The following SMPD3 variants were observed in gnomAD, a reference collection of about 807,000 sequenced individuals.
The protein encoded by SMPD3 is sphingomyelin phosphodiesterase 3.
A neutral mutation model predicts 55.7 loss-of-function variants in SMPD3; 21 were observed. The ratio of observed to expected loss-of-function variants is 0.38; its 90% CI spans 0.27 to 0.54. The LOEUF (loss-of-function observed/expected upper bound fraction) is 0.54, where lower values mean the gene tolerates loss of function less well. Among genes scored for constraint, SMPD3 ranks in the 20% least tolerant of loss-of-function variants. The pLI is 0.80. For missense variants in SMPD3, 842 were observed against 899.6 expected (o/e 0.94, Z 0.82); for synonymous variants, 457 against 404.3 (o/e 1.13, Z -1.56).
At chr16:68,398,115 C>T (rs1465790221) in intron 1 of SMPD3, among the ~76,000 whole-genome samples, 3 of 152,070 alleles carry the variant, frequency 2.0e-5, no homozygotes, top group Non-Finnish European at 2.9e-5. Context: ...CACCTGGGCC[C>T]CTGCTGGAGC....
intron 1 of SMPD3, among the ~76,000 whole-genome samples, chr16:68,394,934 G>T (rs531778331): frequency 1.1e-4 from 16 of 152,138 alleles, no homozygotes; most frequent in Non-Finnish European, 2.4e-4. Flanking sequence ...TTGTCCTATT[G>T]ATTTTTGTTG....
intron 1 of SMPD3, among the ~76,000 whole-genome samples, chr16:68,389,696 C>T (rs950536572): frequency 1.3e-5 from 2 of 152,112 alleles, no homozygotes; most frequent in Non-Finnish European, 2.9e-5. Flanking sequence ...AGTGTCAGAC[C>T]TCATGCAGAC....
intron 2 of SMPD3, among the ~76,000 whole-genome samples, chr16:68,373,042 G>A (rs911909161): frequency 2.6e-5 from 4 of 152,200 alleles, no homozygotes; most frequent in Non-Finnish European, 4.4e-5. Flanking sequence ...CACTGACCGC[G>A]GGAGAAACCC....
chr16:68,365,132 C>A, intron 3 of SMPD3, 40 bp from the exon 4 acceptor site: 1 of 1,606,216 alleles, frequency 6.2e-7, no homozygotes, highest in Non-Finnish European at 8.5e-7. Flanking sequence ...CTGCCAGTCA[C>A]TGTGGCCCTG....
At chr16:68,415,248 C>T (rs185746684) in intron 1 of SMPD3, among the ~76,000 whole-genome samples, 6 of 152,178 alleles carry the variant, frequency 3.9e-5, no homozygotes, top group South Asian at 2.1e-4. Flanking sequence ...CTCCTGGAGT[C>T]CCTGACATTT....
At position 68,363,823 on chromosome 16, in the gene SMPD3, C is replaced by G. The variant is rs1342670242; in HGVS notation, c.1599G>C (p.Arg533Ser). 4 of 1,571,658 alleles carry G rather than the reference C, an allele frequency of 2.5e-6. No homozygotes were observed. The highest frequency in any genetic ancestry group is 3.5e-6 in the Non-Finnish European group (4 of 1,158,384). Residue 533 changes from arginine (R) to serine (S), a missense_variant, in exon 6 of 9, where the codon AGG (arginine) becomes AGC (serine). Arg to Ser is a moderately radical substitution (Grantham distance 110). Coordinates refer to ENST00000219334, the MANE Select transcript of SMPD3 (RefSeq NM_018667.4). ...CACCAGGCCCCAGGCGGCAGGGGTCCCTGTAGTGGGTGAACAGGGAGTGTT... is the reference window on the plus strand; with the variant it reads ...CACCAGGCCCCAGGCGGCAGGGGTCGCTGTAGTGGGTGAACAGGGAGTGTT... ...EQQHSLFTHYRDPCRLGPGEE... is the reference protein window; with the variant it reads ...EQQHSLFTHYSDPCRLGPGEE...
intron 1 of SMPD3, among the ~76,000 whole-genome samples, chr16:68,390,969 G>A (rs2090106218): frequency 6.6e-6 from 1 of 152,170 alleles, no homozygotes. Context: ...TGAGTGGTTG[G>A]TTCAACTTGA....
chr16:68,393,171 G>A (rs61168371), intron 1 of SMPD3, among the ~76,000 whole-genome samples: 2 of 152,252 alleles, frequency 1.3e-5, no homozygotes, highest in African/African-American at 2.4e-5. Flanking sequence ...TTGGGAGGCC[G>A]AGGCAGGCAG....
intron 1 of SMPD3, among the ~76,000 whole-genome samples, chr16:68,446,449 T>C: frequency 6.9e-6 from 1 of 145,288 alleles, no homozygotes; most frequent in African/African-American, 2.5e-5. Flanking sequence ...CCCCACAACA[T>C]CCAAGCCCAT....
At chr16:68,403,968 G>T (rs1324899409) in intron 1 of SMPD3, among the ~76,000 whole-genome samples, 1 of 152,180 alleles carries the variant, frequency 6.6e-6, no homozygotes, top group East Asian at 1.9e-4. Flanking sequence ...CAGGGAGGCT[G>T]AGGTGCAGCT....
chr16:68,427,924 C>T (rs1245350568), intron 1 of SMPD3, among the ~76,000 whole-genome samples: 1 of 152,158 alleles, frequency 6.6e-6, no homozygotes, highest in East Asian at 1.9e-4. Flanking sequence ...CCCTTGTTCC[C>T]TGTGCTCGAG....
intron 2 of SMPD3, among the ~76,000 whole-genome samples, chr16:68,383,934 C>T (rs945152971): frequency 1.3e-5 from 2 of 152,172 alleles, no homozygotes; most frequent in Non-Finnish European, 2.9e-5. Context: ...GTTCAGGCCT[C>T]GCCCTCTCCA....
intron 1 of SMPD3, among the ~76,000 whole-genome samples, chr16:68,387,201 G>A (rs772901463): frequency 1.3e-5 from 2 of 152,124 alleles, no homozygotes; most frequent in East Asian, 1.9e-4. Context: ...GGGAGGAAGA[G>A]CAACATTGAG....
chr16:68,412,603 G>T (rs1947617367), intron 1 of SMPD3, among the ~76,000 whole-genome samples: 1 of 152,182 alleles, frequency 6.6e-6, no homozygotes, highest in Non-Finnish European at 1.5e-5. Context: ...GATAGACATT[G>T]GTACCTGGTT....
At chr16:68,439,292 C>G (rs928400080) in intron 1 of SMPD3, among the ~76,000 whole-genome samples, 1 of 152,166 alleles carries the variant, frequency 6.6e-6, no homozygotes, top group African/African-American at 2.4e-5. Flanking sequence ...TTACTCCAGC[C>G]CCCGTTCCTT....
chr16:68,367,526 G>T (rs559905770), intron 3 of SMPD3: 1 of 152,462 alleles, frequency 6.6e-6, no homozygotes, highest in Non-Finnish European at 1.5e-5. Context: ...GTCTTAAGGC[G>T]TCAGCCTCTC....
intron 1 of SMPD3, among the ~76,000 whole-genome samples, chr16:68,402,072 C>T (rs2090212223): frequency 6.6e-6 from 1 of 152,220 alleles, no homozygotes; most frequent in African/African-American, 2.4e-5. Context: ...CACGCCACGG[C>T]TGGCTAGTGA....
Position 68,363,102 on chromosome 16 carries a change from T to G in SMPD3, c.1709+394A>C, listed in dbSNP as rs1167716456. On this transcript the variant is annotated intron_variant, in intron 7 of 8. Transcript: ENST00000219334. ...CTGGTGTCTGTATTTGCCTGATTGGTGCTGCAAGCTGCCAGGCTGCCTTCA... is the reference window on the plus strand; with the variant it reads ...CTGGTGTCTGTATTTGCCTGATTGGGGCTGCAAGCTGCCAGGCTGCCTTCA... Among the ~76,000 whole-genome samples the G allele has an allele frequency of 6.6e-5, 10 of 152,312 alleles. No individual in the cohort carries two copies. In the East Asian group the frequency reaches 1.9e-3, roughly 29 times the overall value.
chr16:68,410,775 G>A (rs959370805), intron 1 of SMPD3, among the ~76,000 whole-genome samples: 3 of 152,212 alleles, frequency 2.0e-5, no homozygotes, highest in Non-Finnish European at 2.9e-5. Context: ...TTAAATCGTA[G>A]GCCAACTGAA....
Sources: gnomAD v4.1 joint callset for allele counts (sites outside exome capture counted in the v4.1 genomes callset) on GRCh38, gnomAD v4.1.1 for gene constraint, MANE v1.5 for transcripts, NCBI Gene and HGNC (gene_info 2026-07-23, HGNC 2026-07-21) for gene names.